GALNT5: variants seen among roughly 807,000 people sequenced by gnomAD.
The protein encoded by GALNT5 is UDP-GalNAc:polypeptide N-acetylgalactosaminyltransferase 5.
GALNT5 carries 72 observed loss-of-function variants against 85.4 expected under a neutral mutation model. The observed-to-expected ratio is 0.84, with a 90% CI of 0.70 to 1.03. The LOEUF is 1.03. GALNT5 is among the 50% of genes least tolerant of loss of function. GALNT5 has a pLI of 0.00. For missense variants in GALNT5, 1,137 were observed against 1,135.5 expected, an observed-to-expected ratio of 1.00 and a Z score of -0.02; for synonymous variants, 404 against 397.0, an observed-to-expected ratio of 1.02 and a Z score of -0.21.
intron 1 of GALNT5, among the ~76,000 whole-genome samples, chr2:157,279,025 T>G (rs529225933): frequency 7.2e-5 from 11 of 152,358 alleles, no homozygotes; most frequent in Non-Finnish European, 1.3e-4. Context: ...TTTGTTGATG[T>G]TGATGCTATT....
chr2:157,284,367 A>G lies in GALNT5; in HGVS notation c.1540A>G (p.Arg514Gly). The G allele has an allele frequency of 1.2e-6, 2 of 1,613,826 alleles. No homozygotes were observed. The highest frequency in any genetic ancestry group is 1.1e-5 in the South Asian group (1 of 91,072). The change falls in exon 2 of 10, where the codon AGA becomes GGA. Residue 514 changes from arginine to glycine, a missense_variant. Physicochemically the swap from Arg to Gly is moderately radical, Grantham distance 125. Transcript: ENST00000259056. ...GGATGAAGTGTGGTCCACTCTCCTG[A>G]GATCTGTTCACAGTGTCATCAATCG... ...FVDEVWSTLL[R>G]SVHSVINRSP...
At position 157,284,450 on chromosome 2, in the gene GALNT5, T is replaced by G; in HGVS notation, c.1621+2T>G. On this transcript the variant is annotated splice_donor_variant, in intron 2 of 9. Coordinates refer to ENST00000259056, the MANE Select transcript of GALNT5 (RefSeq NM_014568.3). LOFTEE classifies it high-confidence loss of function. ...TGGTAGATGACTTCAGCACCAAAGG[T>G]AAGAAAACCACTCAGGCTATCTCTT... is the stretch of plus-strand genomic sequence containing the variant. 1 of 1,612,952 alleles carries G rather than the reference T, an allele frequency of 6.2e-7. No individual in the cohort carries two copies. The highest frequency in any genetic ancestry group is 2.2e-5 in the East Asian group (1 of 44,840).
At chr2:157,275,261 G>A (rs1203077749) in intron 1 of GALNT5, among the ~76,000 whole-genome samples, 1 of 152,136 alleles carries the variant, frequency 6.6e-6, no homozygotes, top group South Asian at 2.1e-4. Context: ...GTCAGGTAGC[G>A]TGATGCCGCC....
chr2:157,285,982 A>C (rs771211651), intron 2 of GALNT5, 33 bp from the exon 3 acceptor site: 6 of 1,545,198 alleles, frequency 3.9e-6, no homozygotes, highest in Non-Finnish European at 5.4e-6. Context: ...ACTTAATTCA[A>C]GTATTTCCTG....
At chr2:157,261,470 T>G (rs1315533437) in intron 1 of GALNT5, among the ~76,000 whole-genome samples, 1 of 152,110 alleles carries the variant, frequency 6.6e-6, no homozygotes, top group East Asian at 1.9e-4. Flanking sequence ...GTAGGAAAAA[T>G]TGACACATGT....
Position 157,295,693 on chromosome 2 carries a change from T to C in GALNT5, c.1772T>C (p.Val591Ala), listed in dbSNP as rs1300509008. Residue 591 changes from valine to alanine, a missense_variant, in exon 4 of 10, where the codon GTG becomes GCG. Coordinates refer to ENST00000259056, the MANE Select transcript of GALNT5 (RefSeq NM_014568.3). ...GDVLTFLDSH[V>A]ECNVGWLEPL... is the part of the protein sequence containing the mutation. ...GTGTTGACATTTTTAGATTCTCATG[T>C]GGAATGTAACGTTGGTTGGTTGGAA... 1.2e-6 allele frequency: 2 copies of C among 1,613,120 alleles called. No individual in the cohort carries two copies. Among genetic ancestry groups the C allele is most frequent in the Non-Finnish European group, 1.7e-6 (2 of 1,179,268 alleles).
Position 157,258,296 on chromosome 2 carries a change from A to G in GALNT5, c.214A>G (p.Lys72Glu), listed in dbSNP as rs1682236486. ...AGGAAAAATTTTTTACAGCAGCATA[A>G]AAGAGATGAAACCTCCCCTAAGGGG... ...DQGKIFYSSI[K>E]EMKPPLRGHG... The change falls in exon 1 of 10, where the codon AAA becomes GAA. Residue 72 changes from lysine to glutamate, a missense_variant. Physicochemically the swap from Lys to Glu is moderately conservative, Grantham distance 56. Coordinates refer to ENST00000259056, the MANE Select transcript of GALNT5 (RefSeq NM_014568.3). The G allele has an allele frequency of 5.0e-6, 8 of 1,598,450 alleles. No individual in the cohort carries two copies. The highest frequency in any genetic ancestry group is 6.8e-6 in the Non-Finnish European group (8 of 1,174,024).
At chr2:157,264,923 G>A (rs183072840) in intron 1 of GALNT5, among the ~76,000 whole-genome samples, 16 of 151,572 alleles carry the variant, frequency 1.1e-4, no homozygotes, top group Admixed American at 6.6e-4. Context: ...TGAAATGAAC[G>A]TGATTTTGTG....
In GALNT5 at chr2:157,317,193, TATATA is replaced by T. The variant is rs1249478159; in HGVS notation, c.*5846_*5850del. 1.1e-3 allele frequency among the ~76,000 whole-genome samples: 152 copies of T among 139,246 alleles called. No homozygotes were observed. The highest frequency in any genetic ancestry group is 4.1e-3 in the African/African-American group (148 of 35,880). The allele number at this position is 139,246 out of a possible 152,430, so 91.4% of individuals were successfully genotyped here. On this transcript the variant is annotated 3_prime_UTR_variant, in exon 10 of 10. Coordinates refer to ENST00000259056, the MANE Select transcript of GALNT5 (RefSeq NM_014568.3). ...GTGTGTGTATATATATATATATATA[TATATA>T]TTTTTTTTTTTGATGCTTTGATCTG...
intron 1 of GALNT5, among the ~76,000 whole-genome samples, chr2:157,276,169 AC>A (rs1682721001): frequency 6.6e-6 from 1 of 152,060 alleles, no homozygotes; most frequent in African/African-American, 2.4e-5. Context: ...CAGGGATGAA[AC>A]CAACTTGATC....
intron 1 of GALNT5, among the ~76,000 whole-genome samples, chr2:157,266,968 T>G (rs1682470112): frequency 6.6e-6 from 1 of 152,230 alleles, no homozygotes. Flanking sequence ...TCTTTAAAAC[T>G]TGGCCATAAC....
intron 1 of GALNT5, among the ~76,000 whole-genome samples, chr2:157,278,600 T>TA (rs1343581987): frequency 1.3e-5 from 2 of 152,220 alleles, no homozygotes; most frequent in Non-Finnish European, 2.9e-5. Flanking sequence ...TCCACTTGAT[T>TA]AAATCGGCTA....
chr2:157,274,699 T>G (rs1682681036), intron 1 of GALNT5, among the ~76,000 whole-genome samples: 1 of 152,342 alleles, frequency 6.6e-6, no homozygotes, highest in Admixed American at 6.5e-5. Context: ...CTTGTACATT[T>G]GTTTGAGTTC....
At chr2:157,305,943 C>A (rs566459211) in intron 8 of GALNT5, 114 bp downstream of exon 8, 2 of 649,048 alleles carry the variant, frequency 3.1e-6, no homozygotes, top group Admixed American at 3.0e-5. Flanking sequence ...TTCTAAATTT[C>A]TTTGTAAAAA....
chr2:157,266,787 T>C (rs992939836), intron 1 of GALNT5, among the ~76,000 whole-genome samples: 6 of 152,214 alleles, frequency 3.9e-5, no homozygotes, highest in Admixed American at 2.6e-4. Context: ...TGACAGCTTT[T>C]CCTTCCTTTG....
intron 1 of GALNT5, among the ~76,000 whole-genome samples, chr2:157,278,563 T>G (rs1682788781): frequency 6.6e-6 from 1 of 152,216 alleles, no homozygotes; most frequent in Non-Finnish European, 1.5e-5. Context: ...TTCATTAATT[T>G]GATCTTCAAT....
chr2:157,268,222 T>G (rs572839384), intron 1 of GALNT5, among the ~76,000 whole-genome samples: 1 of 152,330 alleles, frequency 6.6e-6, no homozygotes, highest in South Asian at 2.1e-4. Context: ...ATGTTATCAT[T>G]CCCTCAATCT....
intron 1 of GALNT5, among the ~76,000 whole-genome samples, chr2:157,274,190 A>G (rs1317148735): frequency 2.0e-5 from 3 of 152,212 alleles, no homozygotes; most frequent in Non-Finnish European, 4.4e-5. Context: ...CATGGTGTAT[A>G]TGTGCCATGT....
intron 9 of GALNT5, 152 bp downstream of exon 9, chr2:157,308,880 T>C: frequency 1.9e-6 from 1 of 529,806 alleles, no homozygotes; most frequent in Admixed American, 3.8e-5. Flanking sequence ...GATGCATGGA[T>C]ATCTTTCGAA....
Sources: gnomAD v4.1 joint callset for allele counts (sites outside exome capture counted in the v4.1 genomes callset) on GRCh38, gnomAD v4.1.1 for gene constraint, MANE v1.5 for transcripts, NCBI Gene and HGNC (gene_info 2026-07-23, HGNC 2026-07-21) for gene names.